MOB1B: variants seen among roughly 807,000 people sequenced by gnomAD.
MOB1B encodes MOB1 Mps One Binder homolog B.
Under a neutral mutation model 24.4 loss-of-function variants are expected in MOB1B, and 19 were observed. The observed-to-expected ratio is 0.78, with a 90% confidence interval of 0.54 to 1.14. The LOEUF (loss-of-function observed/expected upper bound fraction) is 1.14. Ranked by LOEUF, MOB1B falls within the 50% of genes most tolerant of loss-of-function variation. The pLI, the probability that MOB1B is intolerant of heterozygous loss-of-function variation, is 0.00. For missense variants in MOB1B, 243 were observed against 259.6 expected (o/e 0.94, Z 0.44); for synonymous variants, 76 against 82.1 (o/e 0.93, Z 0.40).
At chr4:70,918,661 G>A in intron 1 of MOB1B, among the ~76,000 whole-genome samples, 1 of 151,442 alleles carries the variant, frequency 6.6e-6, no homozygotes, top group Non-Finnish European at 1.5e-5. Flanking sequence ...TCTGATGGTA[G>A]TTTTCTTTTG....
rs186367298 is a variant in MOB1B, at chr4:70,920,552, A to G, written c.14+18002A>G. On this transcript the variant is annotated intron_variant, in intron 1 of 5. Coordinates refer to ENST00000309395, the MANE Select transcript of MOB1B (RefSeq NM_173468.4). ...TTATTATTACAGCAATTAATTTAAA[A>G]CTTTATGGAGGAGATAAACAGTGAC... Among the ~76,000 whole-genome samples the G allele has an allele frequency of 2.3e-3, 357 of 152,286 alleles. 4 individuals carry two copies. The highest frequency in any genetic ancestry group is 8.1e-3 in the African/African-American group (337 of 41,558).
chr4:70,927,509 C>G (rs1324733334), intron 1 of MOB1B, among the ~76,000 whole-genome samples: 1 of 151,862 alleles, frequency 6.6e-6, no homozygotes. Flanking sequence ...CACTGTACCC[C>G]AGCCTGGGCA....
intron 3 of MOB1B, among the ~76,000 whole-genome samples, chr4:70,971,643 C>A (rs1328707198): frequency 6.6e-6 from 1 of 152,126 alleles, no homozygotes; most frequent in African/African-American, 2.4e-5. Flanking sequence ...TGAAATCAGT[C>A]CCCCTTTAGT....
chr4:70,966,915 A>G (rs1738555136), intron 2 of MOB1B, among the ~76,000 whole-genome samples: 1 of 152,148 alleles, frequency 6.6e-6, no homozygotes, highest in Admixed American at 6.5e-5. Flanking sequence ...AGCCAAAATC[A>G]AGGAGAAAAA....
intron 1 of MOB1B, among the ~76,000 whole-genome samples, chr4:70,914,312 G>A (rs942531664): frequency 6.6e-6 from 1 of 152,154 alleles, no homozygotes; most frequent in East Asian, 1.9e-4. Flanking sequence ...TGGATATAAG[G>A]ATTCCCATGT....
At position 70,986,854 on chromosome 4, in the gene MOB1B, T is replaced by G. The variant is rs1313286038; in HGVS notation, c.*4797T>G. 1.3e-5 allele frequency: 2 copies of G among 152,204 alleles called. No individual in the cohort carries two copies. Among genetic ancestry groups the G allele is most frequent in the Non-Finnish European group, 1.5e-5 (1 of 68,000 alleles). The allele number at this position is 152,204 out of a possible 1,614,324, so 9.4% of individuals were successfully genotyped here. On this transcript the variant is annotated 3_prime_UTR_variant, in exon 6 of 6. Coordinates refer to ENST00000309395, the MANE Select transcript of MOB1B (RefSeq NM_173468.4). ...AATTTTTAAGGCTTTCCTAATAGGC[T>G]GATCACAGAGAATAATCCATTTTGA...
intron 1 of MOB1B, among the ~76,000 whole-genome samples, chr4:70,920,444 C>T (rs191568225): frequency 2.0e-5 from 3 of 152,214 alleles, no homozygotes; most frequent in East Asian, 3.9e-4. Context: ...AGGCTGGTCT[C>T]GTACTCCTGA....
At chr4:70,976,339 A>G (rs770320033) in intron 4 of MOB1B, 30 of 985,176 alleles carry the variant, frequency 3.0e-5, no homozygotes, top group Middle Eastern at 1.0e-3. Context: ...TTATTTAGTA[A>G]TATATTTGTG....
intron 1 of MOB1B, among the ~76,000 whole-genome samples, chr4:70,902,992 T>G (rs1195105461): frequency 1.3e-5 from 2 of 152,222 alleles, no homozygotes; most frequent in Non-Finnish European, 2.9e-5. Context: ...AAGATAAGAC[T>G]GTCGTACTTT....
chr4:70,911,703 T>C (rs1468833366), intron 1 of MOB1B, among the ~76,000 whole-genome samples: 1 of 152,180 alleles, frequency 6.6e-6, no homozygotes, highest in African/African-American at 2.4e-5. Context: ...AAAGCACGTG[T>C]CTAATACATG....
At chr4:70,921,683 A>G (rs1255590821) in intron 1 of MOB1B, among the ~76,000 whole-genome samples, 3 of 151,716 alleles carry the variant, frequency 2.0e-5, no homozygotes, top group Non-Finnish European at 2.9e-5. Context: ...TAATTTTTGT[A>G]TTTTTAGTAG....
chr4:70,966,037 C>T (rs1445252145), intron 2 of MOB1B, among the ~76,000 whole-genome samples: 1 of 152,002 alleles, frequency 6.6e-6, no homozygotes, highest in Non-Finnish European at 1.5e-5. Context: ...ATAACGCCAG[C>T]CTTTGGCTCT....
intron 1 of MOB1B, among the ~76,000 whole-genome samples, chr4:70,921,241 T>C (rs1736423761): frequency 6.6e-6 from 1 of 152,154 alleles, no homozygotes; most frequent in Non-Finnish European, 1.5e-5. Context: ...TAATATCCTT[T>C]AGTTTACCAG....
chr4:70,974,127 C>G (rs1382750548), intron 3 of MOB1B, among the ~76,000 whole-genome samples: 1 of 151,880 alleles, frequency 6.6e-6, no homozygotes, highest in Non-Finnish European at 1.5e-5. Context: ...TTCCTTATCT[C>G]AAAATTCAGG....
Position 70,902,565 on chromosome 4 carries a change from C to T in MOB1B, c.14+15C>T, listed in dbSNP as rs1735555157. 4.5e-6 allele frequency: 7 copies of T among 1,552,424 alleles called. No homozygotes were observed. The highest frequency in any genetic ancestry group is 5.2e-6 in the Non-Finnish European group (6 of 1,150,956). On this transcript the variant is annotated intron_variant, in intron 1 of 5. Coordinates refer to ENST00000309395, the MANE Select transcript of MOB1B (RefSeq NM_173468.4). ...AGCTTCTTGTTGTGAGTAGCCAGGC[C>T]CCGCACGCGCCGGCTTTGTTCGGGT...
chr4:70,965,296 C>CAAAA (rs1175536577), intron 2 of MOB1B, among the ~76,000 whole-genome samples: 21 of 36,186 alleles, frequency 5.8e-4, no homozygotes, highest in African/African-American at 1.3e-3. Context: ...GACTTCATCT[C>CAAAA]AAAAAAAAAA....
At chr4:70,935,388 C>A (rs1560642165) in intron 1 of MOB1B, among the ~76,000 whole-genome samples, 3 of 152,140 alleles carry the variant, frequency 2.0e-5, no homozygotes, top group South Asian at 4.1e-4. Context: ...ATGAATTAAA[C>A]CTTTAGAGCT....
chr4:70,909,783 G>A (rs1735901368), intron 1 of MOB1B, among the ~76,000 whole-genome samples: 1 of 151,784 alleles, frequency 6.6e-6, no homozygotes, highest in African/African-American at 2.4e-5. Context: ...CTGGAGTGCA[G>A]TGGCTCAATC....
At chr4:70,961,962 C>T (rs906889199) in intron 2 of MOB1B, among the ~76,000 whole-genome samples, 2 of 152,144 alleles carry the variant, frequency 1.3e-5, no homozygotes, top group African/African-American at 4.8e-5. Flanking sequence ...TGCATTGGCT[C>T]ACGCTATAAT....
Sources: allele counts gnomAD v4.1 joint callset (sites outside exome capture counted in the v4.1 genomes callset), GRCh38; gene constraint gnomAD v4.1.1; transcripts MANE v1.5; gene names NCBI Gene and HGNC (gene_info 2026-07-23, HGNC 2026-07-21).